Variants in NDUFAF2 observed in about 807,000 individuals in gnomAD.
NDUFAF2 encodes NADH:ubiquinone oxidoreductase complex assembly factor 2, also known as NADH dehydrogenase [ubiquinone] 1 alpha subcomplex assembly factor 2.
A neutral mutation model predicts 22.8 loss-of-function variants in NDUFAF2; 13 were observed. The observed-to-expected ratio is 0.57, with a 90% CI of 0.37 to 0.91. The LOEUF (loss-of-function observed/expected upper bound fraction) is 0.91. Among genes scored for constraint, NDUFAF2 ranks in the 40% least tolerant of loss-of-function variants. NDUFAF2 has a pLI of 0.01. For synonymous variants in NDUFAF2, 53 were observed against 64.2 expected (o/e 0.83, Z 0.84); for missense variants, 162 against 195.2 (o/e 0.83, Z 1.01).
chr5:61,000,706 AC>A (rs1561538654), intron 1 of NDUFAF2, among the ~76,000 whole-genome samples: 7 of 152,180 alleles, frequency 4.6e-5, no homozygotes, highest in Admixed American at 3.9e-4. Context: ...AGGAATTTTC[AC>A]CTGGCTCCTT....
chr5:61,121,820 C>CTTTTA (rs1752979367), intron 3 of NDUFAF2, among the ~76,000 whole-genome samples: 1 of 148,034 alleles, frequency 6.8e-6, no homozygotes, highest in Non-Finnish European at 1.5e-5. Context: ...CTTTTCTTTC[C>CTTTTA]TTTTCTTTTC....
At chr5:61,132,301 A>C (rs759885157) in intron 3 of NDUFAF2, among the ~76,000 whole-genome samples, 6 of 152,170 alleles carry the variant, frequency 3.9e-5, no homozygotes, top group Non-Finnish European at 7.3e-5. Flanking sequence ...GAATAAGTGA[A>C]AGAAAGAGGG....
Position 60,992,158 on chromosome 5 carries a change from T to C in NDUFAF2, c.127+46776T>C, listed in dbSNP as rs78647011. ...GATCTAATTATTGGATTTTCCCCTG[T>C]AGAGCTGTTTGAGCTCTTCATATAT... On this transcript the variant is annotated intron_variant, in intron 1 of 3. Transcript: ENST00000296597. Among the ~76,000 whole-genome samples, 164 of 152,346 alleles carry C rather than the reference T, an allele frequency of 1.1e-3. 7 individuals carry two copies. In the East Asian group the frequency reaches 0.024, roughly 23 times the overall value.
At chr5:61,085,505 C>A (rs111506319) in intron 2 of NDUFAF2, among the ~76,000 whole-genome samples, 84 of 152,212 alleles carry the variant, frequency 5.5e-4, no homozygotes, top group African/African-American at 1.9e-3. Context: ...AGGATATCTT[C>A]TTTGACTATT....
At chr5:61,066,186 C>T (rs1235812469) in intron 1 of NDUFAF2, among the ~76,000 whole-genome samples, 1 of 151,826 alleles carries the variant, frequency 6.6e-6, no homozygotes, top group Admixed American at 6.6e-5. Context: ...AACTATAAAA[C>T]ATTGATGAGA....
At chr5:61,067,266 G>A (rs988605803) in intron 1 of NDUFAF2, among the ~76,000 whole-genome samples, 21 of 151,562 alleles carry the variant, frequency 1.4e-4, no homozygotes, top group South Asian at 1.0e-3. Context: ...CCATTAACTC[G>A]TCATTTAGCA....
At chr5:61,047,156 CTTCTACT>C (rs554648351) in intron 1 of NDUFAF2, among the ~76,000 whole-genome samples, 2,585 of 152,206 alleles carry the variant, frequency 0.017, 78 homozygotes, top group African/African-American at 0.059. Context: ...TATGATGATT[CTTCTACT>C]TTCCCATCCC....
chr5:61,028,895 G>A (rs746310540), intron 1 of NDUFAF2, among the ~76,000 whole-genome samples: 2 of 152,008 alleles, frequency 1.3e-5, no homozygotes, highest in Admixed American at 6.6e-5. Flanking sequence ...TATCTCTGAC[G>A]GTTTTTAATC....
intron 3 of NDUFAF2, among the ~76,000 whole-genome samples, chr5:61,127,119 G>C (rs889148282): frequency 1.3e-5 from 2 of 151,992 alleles, no homozygotes; most frequent in African/African-American, 4.8e-5. Flanking sequence ...ACCAATAACA[G>C]GCTCTGAAAT....
rs765358514 is a variant in NDUFAF2, at chr5:60,945,390, G to A, written c.127+8G>A. On this transcript the variant is annotated splice_region_variant and intron_variant, in intron 1 of 3. Transcript: ENST00000296597. ...AGTACAAGAACTGGAGAGGTGAGGT[G>A]GCGGCGTGGGCAGCGATTGCGTGGT... 3.1e-6 allele frequency: 5 copies of A among 1,614,098 alleles called. No individual in the cohort carries two copies. Among genetic ancestry groups the A allele is most frequent in the Non-Finnish European group, 4.2e-6 (5 of 1,180,050 alleles).
chr5:61,079,424 CT>C (rs1752412102), intron 2 of NDUFAF2, among the ~76,000 whole-genome samples: 1 of 152,104 alleles, frequency 6.6e-6, no homozygotes, highest in Non-Finnish European at 1.5e-5. Context: ...AGGGATTTAC[CT>C]CCTATTTTTC....
intron 3 of NDUFAF2, among the ~76,000 whole-genome samples, chr5:61,148,688 T>A (rs1485122836): frequency 6.6e-6 from 1 of 152,178 alleles, no homozygotes; most frequent in East Asian, 1.9e-4. Context: ...AAAACTGGGA[T>A]TTGTATTCAG....
intron 1 of NDUFAF2, among the ~76,000 whole-genome samples, chr5:61,047,309 A>G (rs1436942954): frequency 1.3e-5 from 2 of 152,102 alleles, no homozygotes; most frequent in Admixed American, 6.6e-5. Context: ...TACTTTTTAT[A>G]TAGGATAACT....
intron 1 of NDUFAF2, among the ~76,000 whole-genome samples, chr5:60,975,434 G>GT (rs1750890191): frequency 6.6e-6 from 1 of 152,014 alleles, no homozygotes; most frequent in East Asian, 1.9e-4. Flanking sequence ...CTCGGGTTGT[G>GT]TTTAAGATTT....
At position 61,150,090 on chromosome 5, in the gene NDUFAF2, C is replaced by A. The variant is rs985002455; in HGVS notation, c.259-2614C>A. ...GGGACTACAGGCATGTGCCACAATG[C>A]ACAGCTAATTTTTGTATTTTTAGTA... is the stretch of plus-strand genomic sequence containing the variant. On this transcript the variant is annotated intron_variant, in intron 3 of 3. Coordinates refer to ENST00000296597, the MANE Select transcript of NDUFAF2 (RefSeq NM_174889.5). Among the ~76,000 whole-genome samples the A allele has an allele frequency of 3.9e-5, 6 of 152,252 alleles. No individual in the cohort carries two copies. In the East Asian group the frequency reaches 1.2e-3, roughly 29 times the overall value.
At chr5:61,093,957 T>G (rs1182328189) in intron 2 of NDUFAF2, among the ~76,000 whole-genome samples, 1 of 152,188 alleles carries the variant, frequency 6.6e-6, no homozygotes, top group Non-Finnish European at 1.5e-5. Context: ...TTGGTCTGTT[T>G]AGGGATTCAG....
intron 3 of NDUFAF2, among the ~76,000 whole-genome samples, chr5:61,128,725 G>A (rs1397253327): frequency 6.6e-6 from 1 of 152,158 alleles, no homozygotes; most frequent in East Asian, 1.9e-4. Context: ...ATACCATTCA[G>A]GACATAGGCA....
At position 61,147,437 on chromosome 5, in the gene NDUFAF2, C is replaced by CTTTTTTTTTTTTTTTTTTTTTTTTTTTT. The variant is rs1240336890; in HGVS notation, c.259-5250_259-5249insTTTTTTTTTTTTTTTTTTTTTTTTTTTT. ...CTAATTTTTGTATTTTTTTTTCTTT[C>CTTTTTTTTTTTTTTTTTTTTTTTTTTTT]TTTTTTTTTTTTTTTTTGTAGCAAC... On this transcript the variant is annotated intron_variant, in intron 3 of 3. Transcript: ENST00000296597. 1.3e-4 allele frequency among the ~76,000 whole-genome samples: 11 copies of CTTTTTTTTTTTTTTTTTTTTTTTTTTTT among 84,728 alleles called. 1 individual carries two copies. The highest frequency in any genetic ancestry group is 1.8e-4 in the Non-Finnish European group (8 of 44,622). The allele number at this position is 84,728 out of a possible 152,430, so 55.6% of individuals were successfully genotyped here. A position where few individuals can be genotyped will look rare whatever the true frequency, so the allele number is the denominator to read the frequency against.
chr5:60,959,480 A>G lies in NDUFAF2; in HGVS notation c.127+14098A>G, dbSNP rs535754105. Among the ~76,000 whole-genome samples the G allele has an allele frequency of 1.8e-3, 279 of 152,156 alleles. 1 individual carries two copies. The highest frequency in any genetic ancestry group is 6.0e-3 in the African/African-American group (250 of 41,580). On this transcript the variant is annotated intron_variant, in intron 1 of 3. Coordinates refer to ENST00000296597, the MANE Select transcript of NDUFAF2 (RefSeq NM_174889.5). ...GTAATGCACAATGATAGAAGTGGCA[A>G]TTATATTTTGAAGAATGGATAAAAA...
Sources: gnomAD v4.1 joint callset for allele counts (sites outside exome capture counted in the v4.1 genomes callset) on GRCh38, gnomAD v4.1.1 for gene constraint, MANE v1.5 for transcripts, NCBI Gene and HGNC (gene_info 2026-07-23, HGNC 2026-07-21) for gene names.